FRMD4B: variants seen among roughly 807,000 people sequenced by gnomAD.
FRMD4B encodes the protein FERM domain-containing protein 4B.
A neutral mutation model predicts 141.5 loss-of-function variants in FRMD4B; 74 were observed. The observed-to-expected ratio is 0.52, with a 90% CI of 0.43 to 0.63. The LOEUF (loss-of-function observed/expected upper bound fraction) is 0.63. Ranked by LOEUF, FRMD4B falls within the 30% of genes least tolerant of loss-of-function variation. The pLI is 0.00. For synonymous variants in FRMD4B, 506 were observed against 467.9 expected, an observed-to-expected ratio of 1.08 and a Z score of -1.05; for missense variants, 1,366 against 1,253.4, an observed-to-expected ratio of 1.09 and a Z score of -1.36.
chr3:69,312,479 G>A (rs1701633573), intron 2 of FRMD4B, among the ~76,000 whole-genome samples: 1 of 152,230 alleles, frequency 6.6e-6, no homozygotes, highest in Non-Finnish European at 1.5e-5. Context: ...AAGAATTTAG[G>A]TTTGGTTAGA....
At chr3:69,431,447 T>C (rs1361770507) in intron 2 of FRMD4B, among the ~76,000 whole-genome samples, 1 of 152,200 alleles carries the variant, frequency 6.6e-6, no homozygotes, top group Non-Finnish European at 1.5e-5. Context: ...TCTGTTATGC[T>C]CTTCCACATC....
chr3:69,270,806 C>T (rs4092873), intron 5 of FRMD4B, among the ~76,000 whole-genome samples: 102,889 of 151,918 alleles, frequency 0.68, 35,743 homozygotes, highest in Non-Finnish European at 0.77. Context: ...CCTCGTGATC[C>T]GCCCGCCTCG....
chr3:69,290,323 T>G (rs1466761211), intron 4 of FRMD4B, among the ~76,000 whole-genome samples: 2 of 152,104 alleles, frequency 1.3e-5, no homozygotes, highest in Non-Finnish European at 2.9e-5. Context: ...AGAAAGGCAC[T>G]AAGCAGAAAT....
chr3:69,186,145 T>C (rs1234808386), intron 19 of FRMD4B, among the ~76,000 whole-genome samples: 1 of 152,164 alleles, frequency 6.6e-6, no homozygotes, highest in Non-Finnish European at 1.5e-5. Context: ...TCGATTAATA[T>C]TGCCACAACG....
intron 1 of FRMD4B, among the ~76,000 whole-genome samples, chr3:69,522,810 C>T (rs1463542364): frequency 6.6e-6 from 1 of 152,158 alleles, no homozygotes; most frequent in Non-Finnish European, 1.5e-5. Flanking sequence ...GGGAGCCTGG[C>T]AAATGTTGCT....
chr3:69,298,767 C>CCA (rs1445215288), intron 4 of FRMD4B, among the ~76,000 whole-genome samples: 2 of 152,130 alleles, frequency 1.3e-5, no homozygotes, highest in Non-Finnish European at 2.9e-5. Flanking sequence ...CCTTCCCTGA[C>CCA]CACTGTTTTT....
chr3:69,345,711 C>T (rs1450349430), intron 1 of FRMD4B, among the ~76,000 whole-genome samples: 3 of 152,214 alleles, frequency 2.0e-5, no homozygotes, highest in Non-Finnish European at 4.4e-5. Context: ...TGCTGATACT[C>T]AGGCAAACAG....
chr3:69,276,624 C>T (rs995483003), intron 5 of FRMD4B, among the ~76,000 whole-genome samples: 1 of 152,136 alleles, frequency 6.6e-6, no homozygotes, highest in Non-Finnish European at 1.5e-5. Flanking sequence ...TTCAAGAGAA[C>T]TTTGATACCT....
At chr3:69,538,598 C>A (rs751201404) in intron 1 of FRMD4B, among the ~76,000 whole-genome samples, 10 of 151,976 alleles carry the variant, frequency 6.6e-5, no homozygotes, top group Non-Finnish European at 7.4e-5. Context: ...GATTTTATGA[C>A]CTTCATATTG....
chr3:69,498,920 TG>T (rs1706448805), intron 1 of FRMD4B, among the ~76,000 whole-genome samples: 2 of 152,244 alleles, frequency 1.3e-5, no homozygotes, highest in African/African-American at 4.8e-5. Context: ...ATGAAGCTTA[TG>T]TTCTATTTGG....
chr3:69,488,187 G>A (rs578159786), intron 1 of FRMD4B, among the ~76,000 whole-genome samples: 6 of 152,306 alleles, frequency 3.9e-5, no homozygotes, highest in African/African-American at 1.4e-4. Context: ...ATGGAGCCCT[G>A]TTAAGGATCT....
chr3:69,177,865 GGCCGCTA>G (rs1183646402), intron 21 of FRMD4B, among the ~76,000 whole-genome samples: 4 of 152,112 alleles, frequency 2.6e-5, no homozygotes, highest in African/African-American at 9.7e-5. Flanking sequence ...AGACAACACT[GGCCGCTA>G]GCAAGATCAA....
intron 7 of FRMD4B, among the ~76,000 whole-genome samples, chr3:69,245,643 G>A (rs2093419595): frequency 6.8e-6 from 1 of 148,054 alleles, no homozygotes; most frequent in East Asian, 2.0e-4. Context: ...CATTGCACCT[G>A]GCCTTGGCTG....
chr3:69,186,639 G>C (rs561120574), intron 19 of FRMD4B, among the ~76,000 whole-genome samples: 90 of 152,290 alleles, frequency 5.9e-4, no homozygotes, highest in African/African-American at 2.1e-3. Flanking sequence ...CTGAAGCCAA[G>C]AGGCAGGGGT....
intron 1 of FRMD4B, among the ~76,000 whole-genome samples, chr3:69,489,056 T>A (rs1362267401): frequency 1.3e-5 from 2 of 151,968 alleles, no homozygotes; most frequent in Admixed American, 6.6e-5. Flanking sequence ...TGAAATTTTT[T>A]AAAATTTTGT....
intron 11 of FRMD4B, among the ~76,000 whole-genome samples, chr3:69,199,885 A>G (rs889654577): frequency 3.3e-5 from 5 of 152,196 alleles, no homozygotes; most frequent in Admixed American, 3.3e-4. Context: ...TAAGCTCTTT[A>G]TAAGACATTG....
chr3:69,240,472 G>A (rs1357198297), intron 7 of FRMD4B, among the ~76,000 whole-genome samples: 1 of 90,396 alleles, frequency 1.1e-5, no homozygotes, highest in Admixed American at 2.0e-4. Context: ...GACAGAGCAA[G>A]ACTCTGTCTC....
intron 1 of FRMD4B, among the ~76,000 whole-genome samples, chr3:69,540,692 C>CACACACAT (rs59055951): frequency 2.3e-5 from 3 of 128,896 alleles, no homozygotes; most frequent in African/African-American, 6.3e-5. Context: ...CACACACACA[C>CACACACAT]GGCAGTTATT....
At chr3:69,518,855 G>C (rs187784080) in intron 1 of FRMD4B, among the ~76,000 whole-genome samples, 2 of 152,298 alleles carry the variant, frequency 1.3e-5, no homozygotes, top group Admixed American at 6.5e-5. Flanking sequence ...TAAGGTTCTG[G>C]TTCCTCTGAG....
Sources: gnomAD v4.1 joint callset for allele counts (sites outside exome capture counted in the v4.1 genomes callset) on GRCh38, gnomAD v4.1.1 for gene constraint, MANE v1.5 for transcripts, NCBI Gene and HGNC (gene_info 2026-07-23, HGNC 2026-07-21) for gene names.